Variants in LRMDA observed in about 807,000 individuals in gnomAD.
The protein encoded by LRMDA is leucine rich melanocyte differentiation associated, also known as leucine-rich melanocyte differentiation-associated protein.
LRMDA carries 18 observed loss-of-function variants against 29.8 expected under a neutral mutation model. That is an observed-to-expected ratio of 0.60 (90% CI 0.42 to 0.90). The LOEUF is 0.90. Among genes scored for constraint, LRMDA ranks in the 40% least tolerant of loss-of-function variants. The pLI is 0.00. For missense variants in LRMDA, 273 were observed against 273.9 expected (o/e 1.00, Z 0.02); for synonymous variants, 125 against 109.4 (o/e 1.14, Z -0.89).
chr10:76,475,743 A>T (rs1842662925), intron 6 of LRMDA, among the ~76,000 whole-genome samples: 1 of 152,102 alleles, frequency 6.6e-6, no homozygotes, highest in Non-Finnish European at 1.5e-5. Flanking sequence ...GGATTAAGAA[A>T]CTCACTCAAA....
intron 6 of LRMDA, among the ~76,000 whole-genome samples, chr10:76,446,176 G>A (rs547977674): frequency 5.9e-5 from 9 of 152,090 alleles, no homozygotes; most frequent in Non-Finnish European, 5.9e-5. Flanking sequence ...TCAACATTGC[G>A]TTTTTCAGAA....
chr10:75,495,454 C>T (rs1845033417), intron 2 of LRMDA, among the ~76,000 whole-genome samples: 1 of 152,076 alleles, frequency 6.6e-6, no homozygotes, highest in South Asian at 2.1e-4. Flanking sequence ...CATTTCTCCT[C>T]TGCATAACAT....
intron 5 of LRMDA, among the ~76,000 whole-genome samples, chr10:76,147,609 ACTT>A (rs1389292211): frequency 2.0e-5 from 3 of 151,720 alleles, no homozygotes; most frequent in Non-Finnish European, 4.4e-5. Context: ...AAAACTTTTA[ACTT>A]CTTTGCTATT....
chr10:75,549,769 A>C (rs916590066), intron 2 of LRMDA, among the ~76,000 whole-genome samples: 1 of 152,198 alleles, frequency 6.6e-6, no homozygotes, highest in Middle Eastern at 3.2e-3. Flanking sequence ...TCGCCATAAA[A>C]AGTTTCCTTG....
intron 6 of LRMDA, among the ~76,000 whole-genome samples, chr10:76,431,940 C>T (rs1842195273): frequency 6.6e-6 from 1 of 152,182 alleles, no homozygotes; most frequent in Admixed American, 6.5e-5. Flanking sequence ...TGCCTTTCAC[C>T]TTCTGCCATG....
At chr10:75,937,137 C>T (rs1846310202) in intron 2 of LRMDA, among the ~76,000 whole-genome samples, 1 of 152,108 alleles carries the variant, frequency 6.6e-6, no homozygotes, top group African/African-American at 2.4e-5. Flanking sequence ...ACAAGATACT[C>T]TCTGTGGGAA....
rs998297401 is a variant in LRMDA, at chr10:76,086,413, T to C, written c.516+27630T>C. 4.4e-3 allele frequency among the ~76,000 whole-genome samples: 14 copies of C among 3,206 alleles called. No individual in the cohort carries two copies. The East Asian group carries it at 0.093, about 21-fold the overall frequency. 2.1% of individuals were successfully genotyped at this position (3,206 alleles called of 152,430 possible). A position where few individuals can be genotyped will look rare whatever the true frequency, so the allele number is the denominator to read the frequency against. On this transcript the variant is annotated intron_variant, in intron 5 of 6. Coordinates refer to ENST00000611255, the MANE Select transcript of LRMDA (RefSeq NM_001305581.2). ...TGCAAGGCTGGGAAAATTCACTGTTTATTTCTTCAAACAAGCCCTAGTTTC... is the reference window on the plus strand; with the variant it reads ...TGCAAGGCTGGGAAAATTCACTGTTCATTTCTTCAAACAAGCCCTAGTTTC...
intron 2 of LRMDA, among the ~76,000 whole-genome samples, chr10:75,835,356 ACTC>A (rs1181968976): frequency 2.0e-5 from 3 of 151,944 alleles, no homozygotes; most frequent in Admixed American, 2.0e-4. Context: ...TCCGACTCTG[ACTC>A]CTCCTGCATC....
Position 75,431,666 on chromosome 10 carries a change from C to G in LRMDA, c.-59C>G. On this transcript the variant is annotated 5_prime_UTR_variant, in exon 1 of 7. Coordinates refer to ENST00000611255, the MANE Select transcript of LRMDA (RefSeq NM_001305581.2). ...CCGCCGCGCTCCCCTGCCGCGCTCC[C>G]CGCTGCTGCCGCCGCGCCCCCGCGC... 4.8e-6 allele frequency: 6 copies of G among 1,247,302 alleles called. No individual in the cohort carries two copies. Among genetic ancestry groups the G allele is most frequent in the Non-Finnish European group, 6.0e-6 (6 of 1,000,744 alleles). The allele number at this position is 1,247,302 out of a possible 1,614,324, so 77.3% of individuals were successfully genotyped here. A position where few individuals can be genotyped will look rare whatever the true frequency, so the allele number is the denominator to read the frequency against.
intron 2 of LRMDA, among the ~76,000 whole-genome samples, chr10:75,695,664 G>C (rs987293452): frequency 6.6e-6 from 1 of 152,054 alleles, no homozygotes; most frequent in Non-Finnish European, 1.5e-5. Flanking sequence ...TCTTCACTTG[G>C]TTTTGTGGGC....
intron 2 of LRMDA, among the ~76,000 whole-genome samples, chr10:75,891,961 C>A (rs1845499458): frequency 6.6e-6 from 1 of 152,118 alleles, no homozygotes; most frequent in African/African-American, 2.4e-5. Context: ...GGGGTCAGGA[C>A]TGGAGCTAGA....
chr10:75,983,229 T>A (rs1458815665), intron 2 of LRMDA, among the ~76,000 whole-genome samples: 1 of 152,132 alleles, frequency 6.6e-6, no homozygotes, highest in Non-Finnish European at 1.5e-5. Flanking sequence ...GTTCAGTAGG[T>A]CCCATTGATC....
chr10:75,761,331 C>G (rs1019268170), intron 2 of LRMDA, among the ~76,000 whole-genome samples: 3 of 152,134 alleles, frequency 2.0e-5, no homozygotes, highest in African/African-American at 7.2e-5. Context: ...CCTATATTTA[C>G]AATGTAATAT....
chr10:76,259,635 T>G (rs942602167), intron 5 of LRMDA, among the ~76,000 whole-genome samples: 1 of 152,126 alleles, frequency 6.6e-6, no homozygotes, highest in African/African-American at 2.4e-5. Context: ...TCTTTCTAGA[T>G]GATCTGTCCA....
At chr10:75,701,830 A>C (rs1470517828) in intron 2 of LRMDA, among the ~76,000 whole-genome samples, 2 of 152,182 alleles carry the variant, frequency 1.3e-5, no homozygotes, top group African/African-American at 4.8e-5. Flanking sequence ...AATTCCCTCA[A>C]TAACCTTTGT....
intron 5 of LRMDA, among the ~76,000 whole-genome samples, chr10:76,208,502 A>G (rs1052930581): frequency 6.6e-6 from 1 of 152,194 alleles, no homozygotes; most frequent in Non-Finnish European, 1.5e-5. Context: ...GCCCAGTGGA[A>G]CTGAATTCTA....
chr10:75,721,910 T>C (rs1185815620), intron 2 of LRMDA, among the ~76,000 whole-genome samples: 1 of 152,226 alleles, frequency 6.6e-6, no homozygotes, highest in Admixed American at 6.5e-5. Flanking sequence ...CTGGCAATCA[T>C]TAATTTTTAA....
chr10:75,708,560 G>A (rs1842397433), intron 2 of LRMDA, among the ~76,000 whole-genome samples: 1 of 152,122 alleles, frequency 6.6e-6, no homozygotes, highest in African/African-American at 2.4e-5. Context: ...GGAGGTGTGG[G>A]ATTTGCAGTT....
intron 6 of LRMDA, among the ~76,000 whole-genome samples, chr10:76,505,350 C>T (rs950806229): frequency 1.3e-5 from 2 of 151,916 alleles, no homozygotes; most frequent in East Asian, 3.9e-4. Context: ...GCATGCCAGC[C>T]TGTCTAGCAA....
Sources: gnomAD v4.1 joint callset for allele counts (sites outside exome capture counted in the v4.1 genomes callset) on GRCh38, gnomAD v4.1.1 for gene constraint, MANE v1.5 for transcripts, NCBI Gene and HGNC (gene_info 2026-07-23, HGNC 2026-07-21) for gene names.